Variants in UTRN observed in about 807,000 individuals in gnomAD.
UTRN encodes utrophin, also known as dystrophin-related protein 1.
A neutral mutation model predicts 463.9 loss-of-function variants in UTRN; 283 were observed. The observed-to-expected ratio is 0.61, with a 90% confidence interval of 0.55 to 0.67. UTRN has a LOEUF of 0.67. Among genes scored for constraint, UTRN ranks in the 30% least tolerant of loss-of-function variants. The pLI, the probability that UTRN is intolerant of heterozygous loss-of-function variation, is 0.00. For synonymous variants in UTRN, 1,442 were observed against 1,431.5 expected (o/e 1.01, Z -0.17); for missense variants, 3,922 against 4,084.3 (o/e 0.96, Z 1.08).
At chr6:144,549,030 A>C (rs1246106585) in intron 47 of UTRN, among the ~76,000 whole-genome samples, 176 bp downstream of exon 47, 2 of 152,238 alleles carry the variant, frequency 1.3e-5, no homozygotes, top group Non-Finnish European at 2.9e-5. Flanking sequence ...TCTTGCATTT[A>C]TACTGTTGTG....
At chr6:144,730,240 T>G in intron 53 of UTRN, 117 bp from the exon 54 acceptor site, 1 of 1,160,098 alleles carries the variant, frequency 8.6e-7, no homozygotes. Context: ...TTAGCTGAAA[T>G]GCTTGCTATT....
At chr6:144,459,103 C>T (rs1789157267) in intron 20 of UTRN, 71 bp from the exon 21 acceptor site, 1 of 1,573,538 alleles carries the variant, frequency 6.4e-7, no homozygotes, top group African/African-American at 1.4e-5. Context: ...TAAGTTAATG[C>T]TGCCCTGATT....
intron 51 of UTRN, among the ~76,000 whole-genome samples, chr6:144,661,876 G>A (rs1260930970): frequency 6.6e-6 from 1 of 152,030 alleles, no homozygotes; most frequent in Non-Finnish European, 1.5e-5. Context: ...ATATTAGCAT[G>A]TTTCCCCTTT....
At chr6:144,691,438 G>A (rs1293123918) in intron 52 of UTRN, among the ~76,000 whole-genome samples, 4 of 152,180 alleles carry the variant, frequency 2.6e-5, no homozygotes, top group African/African-American at 7.2e-5. Context: ...ATATTTAAAT[G>A]CACATCCTAA....
chr6:144,621,502 A>C (rs890466067), intron 51 of UTRN, among the ~76,000 whole-genome samples: 3 of 152,110 alleles, frequency 2.0e-5, no homozygotes, highest in African/African-American at 7.2e-5. Context: ...TTTACGCCCT[A>C]TCTTGGGCTC....
intron 2 of UTRN, chr6:144,344,007 A>T: frequency 2.1e-6 from 1 of 486,880 alleles, no homozygotes; most frequent in Non-Finnish European, 3.0e-6. Flanking sequence ...TTCACTGACT[A>T]CAAAGTGTAA....
At chr6:144,643,418 T>G (rs1777957961) in intron 51 of UTRN, among the ~76,000 whole-genome samples, 1 of 152,218 alleles carries the variant, frequency 6.6e-6, no homozygotes. Flanking sequence ...GTTTAACGTT[T>G]TCCTGTAAGA....
intron 2 of UTRN, among the ~76,000 whole-genome samples, chr6:144,353,023 G>T (rs1291090957): frequency 6.6e-6 from 1 of 151,940 alleles, no homozygotes; most frequent in Non-Finnish European, 1.5e-5. Flanking sequence ...GTTCACTGTA[G>T]CCTCGATCTC....
chr6:144,437,973 A>G (rs187292681), intron 11 of UTRN, among the ~76,000 whole-genome samples: 2 of 152,358 alleles, frequency 1.3e-5, no homozygotes, highest in African/African-American at 4.8e-5. Context: ...AATTTAACAA[A>G]AAGGAAAAAG....
Position 144,369,020 on chromosome 6 carries a change from C to T in UTRN, c.80-34103C>T, listed in dbSNP as rs1002080110. On this transcript the variant is annotated intron_variant, in intron 2 of 74. Coordinates refer to ENST00000367545, the MANE Select transcript of UTRN (RefSeq NM_007124.3). ...ATTCTCTTAAGATAGTGTTCATAAA[C>T]TTTTTTTGGATTGAGAGGTCTTTAA... 9.9e-5 allele frequency among the ~76,000 whole-genome samples: 15 copies of T among 152,226 alleles called. No individual in the cohort carries two copies. In the South Asian group the frequency reaches 2.9e-3, roughly 29 times the overall value.
In UTRN at chr6:144,851,084, G is replaced by C. The variant is rs1479872738; in HGVS notation, c.*87G>C. 6.4e-7 allele frequency: 1 copy of C among 1,563,634 alleles called. No individual in the cohort carries two copies. The highest frequency in any genetic ancestry group is 2.2e-5 in the East Asian group (1 of 44,594). ...AATTCCAAGTTCCATTAAATCAGAAGCTCCATGGCTCCTTGGCCCACGATG... is the reference window on the plus strand; with the variant it reads ...AATTCCAAGTTCCATTAAATCAGAACCTCCATGGCTCCTTGGCCCACGATG... On this transcript the variant is annotated 3_prime_UTR_variant, in exon 75 of 75. Transcript: ENST00000367545.
chr6:144,760,775 G>C lies in UTRN; in HGVS notation c.8495+2786G>C, dbSNP rs571535713. 8.5e-5 allele frequency among the ~76,000 whole-genome samples: 13 copies of C among 152,282 alleles called. No individual in the cohort carries two copies. In the South Asian group the frequency reaches 2.7e-3, roughly 32 times the overall value. ...ATTTTGCATGATTGCCATGCAATGA[G>C]AATTTCCTGGAGCAAATTAGAATGT... On this transcript the variant is annotated intron_variant, in intron 58 of 74. Transcript: ENST00000367545.
chr6:144,778,454 G>T (rs991320858), intron 60 of UTRN, among the ~76,000 whole-genome samples: 6 of 152,232 alleles, frequency 3.9e-5, no homozygotes, highest in Non-Finnish European at 8.8e-5. Flanking sequence ...CAGGAGATCA[G>T]CAGGAGAAAA....
At chr6:144,386,094 C>T (rs977447848) in intron 2 of UTRN, among the ~76,000 whole-genome samples, 3 of 152,098 alleles carry the variant, frequency 2.0e-5, no homozygotes, top group Admixed American at 6.6e-5. Flanking sequence ...AAGTTTCTTG[C>T]GCTTTTGCTC....
rs1442980855 is a variant in UTRN at position 144,763,736 on chromosome 6, C to A, written c.8495+5747C>A. Among the ~76,000 whole-genome samples the A allele has an allele frequency of 2.0e-5, 3 of 152,234 alleles. No homozygotes were observed. In the East Asian group the frequency reaches 5.8e-4, roughly 29 times the overall value. On this transcript the variant is annotated intron_variant, in intron 58 of 74. Transcript: ENST00000367545. ...GCTAACAAAGTGTGTGTAACAGCAA[C>A]AACGAAGAATTAACATAAAGCATTT... is the stretch of plus-strand genomic sequence containing the variant.
chr6:144,481,752 T>C (rs1791890955), intron 26 of UTRN, among the ~76,000 whole-genome samples: 1 of 152,220 alleles, frequency 6.6e-6, no homozygotes, highest in South Asian at 2.1e-4. Context: ...GAGTTAGCAT[T>C]CTTATTTCAA....
intron 50 of UTRN, among the ~76,000 whole-genome samples, chr6:144,574,625 G>T (rs942862134): frequency 1.3e-5 from 2 of 152,158 alleles, no homozygotes; most frequent in Non-Finnish European, 2.9e-5. Context: ...CTGTCACCCA[G>T]ACTGGGGTGC....
chr6:144,397,173 G>T (rs1261824892), intron 2 of UTRN, among the ~76,000 whole-genome samples: 1 of 152,104 alleles, frequency 6.6e-6, no homozygotes, highest in Non-Finnish European at 1.5e-5. Context: ...CAACCTGGGA[G>T]GCAGAGGTTG....
chr6:144,586,430 A>G (rs537899109), intron 51 of UTRN, among the ~76,000 whole-genome samples: 18 of 152,122 alleles, frequency 1.2e-4, no homozygotes, highest in African/African-American at 4.3e-4. Context: ...ATCACCCTAC[A>G]CTGGATGCTA....
Sources: gnomAD v4.1 joint callset for allele counts (sites outside exome capture counted in the v4.1 genomes callset) on GRCh38, gnomAD v4.1.1 for gene constraint, MANE v1.5 for transcripts, NCBI Gene and HGNC (gene_info 2026-07-23, HGNC 2026-07-21) for gene names.